Variants in COG5 observed in about 807,000 individuals in gnomAD.
COG5 encodes the protein component of oligomeric golgi complex 5.
A neutral mutation model predicts 110.4 loss-of-function variants in COG5; 86 were observed. The observed-to-expected ratio is 0.78, with a 90% confidence interval of 0.65 to 0.93. The LOEUF is 0.93. Among genes scored for constraint, COG5 ranks in the 40% least tolerant of loss-of-function variants. The probability of loss-of-function intolerance (pLI) is 0.00; values close to 1 mark genes in which losing one functional copy is unlikely to be tolerated. For missense variants in COG5, 1,077 were observed against 987.0 expected (o/e 1.09, Z -1.22); for synonymous variants, 360 against 334.6 (o/e 1.08, Z -0.83).
intron 5 of COG5, among the ~76,000 whole-genome samples, chr7:107,540,498 A>G (rs1801898573): frequency 6.6e-6 from 1 of 151,590 alleles, no homozygotes; most frequent in South Asian, 2.1e-4. Context: ...GGATTGCTTG[A>G]GCCCAGCACT....
intron 6 of COG5, among the ~76,000 whole-genome samples, chr7:107,453,191 A>G (rs1795447510): frequency 6.6e-6 from 1 of 152,230 alleles, no homozygotes; most frequent in South Asian, 2.1e-4. Flanking sequence ...CAATAGTCAC[A>G]GGTCTACAAA....
At chr7:107,407,849 G>A (rs1791971643) in intron 7 of COG5, among the ~76,000 whole-genome samples, 1 of 151,644 alleles carries the variant, frequency 6.6e-6, no homozygotes, top group Admixed American at 6.6e-5. Flanking sequence ...GGGAAACAAG[G>A]GACAGCCATA....
chr7:107,375,415 G>A (rs1380884021), intron 7 of COG5, among the ~76,000 whole-genome samples: 1 of 151,964 alleles, frequency 6.6e-6, no homozygotes, highest in Admixed American at 6.6e-5. Context: ...AGTACACTTA[G>A]AGTTTGTAGA....
At chr7:107,239,607 T>C (rs910325676) in intron 17 of COG5, among the ~76,000 whole-genome samples, 32 of 152,168 alleles carry the variant, frequency 2.1e-4, no homozygotes, top group African/African-American at 7.5e-4. Flanking sequence ...CATTTATTTG[T>C]GTTTTTGTTG....
intron 5 of COG5, among the ~76,000 whole-genome samples, chr7:107,541,511 A>T (rs1801993994): frequency 2.1e-5 from 2 of 97,164 alleles, no homozygotes; most frequent in African/African-American, 6.9e-5. Flanking sequence ...AAAAAAAAAA[A>T]AAAAAAAAAA....
intron 10 of COG5, among the ~76,000 whole-genome samples, chr7:107,347,874 C>G (rs1290715170): frequency 6.6e-6 from 1 of 152,140 alleles, no homozygotes; most frequent in Middle Eastern, 3.4e-3. Context: ...TGCCTGCAAT[C>G]CCAGGACTTT....
intron 19 of COG5, among the ~76,000 whole-genome samples, chr7:107,226,577 A>G (rs1433113755): frequency 1.3e-5 from 2 of 152,348 alleles, no homozygotes; most frequent in East Asian, 3.9e-4. Context: ...TTCTCTTTAC[A>G]TGACAACTGC....
At position 107,372,788 on chromosome 7, in the gene COG5, A is replaced by G. The variant is rs754980988; in HGVS notation, c.670-28T>C. The G allele has an allele frequency of 3.7e-6, 6 of 1,610,366 alleles. No homozygotes were observed. In the African/African-American group the frequency reaches 6.7e-5, roughly 18 times the overall value. ...TAAAAAAAGGTGGGGTGGGGTGGAA[A>G]CAGATATAAATAGGAAAACAAACAA... On this transcript the variant is annotated intron_variant, in intron 7 of 21. Coordinates refer to ENST00000297135, the MANE Select transcript of COG5 (RefSeq NM_006348.5).
chr7:107,278,783 A>C (rs889374058), intron 14 of COG5, among the ~76,000 whole-genome samples: 26 of 152,180 alleles, frequency 1.7e-4, no homozygotes, highest in Non-Finnish European at 3.5e-4. Context: ...TACAAAAATT[A>C]ACTCAAGATG....
chr7:107,214,665 T>C (rs1799395296), intron 19 of COG5, among the ~76,000 whole-genome samples: 1 of 152,190 alleles, frequency 6.6e-6, no homozygotes, highest in African/African-American at 2.4e-5. Context: ...CTCATGCCTA[T>C]AATCCCAGTA....
At chr7:107,393,516 T>C (rs1013124486) in intron 7 of COG5, among the ~76,000 whole-genome samples, 3 of 152,222 alleles carry the variant, frequency 2.0e-5, no homozygotes, top group Non-Finnish European at 4.4e-5. Flanking sequence ...ATAAGTAGCA[T>C]AATGCTAACT....
chr7:107,342,573 G>T (rs1477291565), intron 10 of COG5, among the ~76,000 whole-genome samples: 2 of 151,960 alleles, frequency 1.3e-5, no homozygotes, highest in African/African-American at 4.8e-5. Flanking sequence ...AGCTACTTGG[G>T]AAGCTGAGGC....
At chr7:107,357,761 T>C (rs1812760182) in intron 10 of COG5, among the ~76,000 whole-genome samples, 1 of 152,150 alleles carries the variant, frequency 6.6e-6, no homozygotes, top group Non-Finnish European at 1.5e-5. Flanking sequence ...CTTGAACTCC[T>C]AGGCTCAAGC....
Position 107,203,395 on chromosome 7 carries a change from A to G in COG5, c.*121T>C, listed in dbSNP as rs1798500539. ...AGAGGTAAATAAACGTCGATAGGAA[A>G]TACCGAACAATCAATTACATTCTTA... On this transcript the variant is annotated 3_prime_UTR_variant, in exon 22 of 22. Coordinates refer to ENST00000297135, the MANE Select transcript of COG5 (RefSeq NM_006348.5). 2 of 754,394 alleles carry G rather than the reference A, an allele frequency of 2.7e-6. No individual in the cohort carries two copies. The highest frequency in any genetic ancestry group is 4.8e-6 in the Non-Finnish European group (2 of 420,044). The allele number at this position is 754,394 out of a possible 1,614,324, so 46.7% of individuals were successfully genotyped here.
At position 107,301,301 on chromosome 7, in the gene COG5, G is replaced by A. The variant is rs149051865; in HGVS notation, c.1109-2955C>T. ...AGTGTCTGCTCTTCAAAAAAAATACGGCTAAGAAAATGAAAATACACGCCC... is the reference window on the plus strand; with the variant it reads ...AGTGTCTGCTCTTCAAAAAAAATACAGCTAAGAAAATGAAAATACACGCCC... On this transcript the variant is annotated intron_variant, in intron 11 of 21. Coordinates refer to ENST00000297135, the MANE Select transcript of COG5 (RefSeq NM_006348.5). Among the ~76,000 whole-genome samples, 221 of 152,032 alleles carry A rather than the reference G, an allele frequency of 1.5e-3. 1 individual carries two copies. Among genetic ancestry groups the A allele is most frequent in the Admixed American group, 9.6e-3 (147 of 15,270 alleles).
intron 6 of COG5, among the ~76,000 whole-genome samples, chr7:107,451,853 G>A (rs1423827990): frequency 1.3e-5 from 2 of 152,034 alleles, no homozygotes; most frequent in Admixed American, 1.3e-4. Flanking sequence ...TTATTGGTAA[G>A]GCTTCCAGTC....
intron 10 of COG5, among the ~76,000 whole-genome samples, chr7:107,353,390 A>C (rs1812340883): frequency 7.0e-6 from 1 of 142,618 alleles, no homozygotes; most frequent in African/African-American, 2.6e-5. Context: ...CCGCCACTGC[A>C]CTCCAGCCTG....
At chr7:107,372,809 A>G in intron 7 of COG5, 49 bp from the exon 8 acceptor site, 1 of 1,559,470 alleles carries the variant, frequency 6.4e-7, no homozygotes. Flanking sequence ...TAGGAAAACA[A>G]ACAAAATCAA....
chr7:107,500,643 T>C (rs1323656920), intron 6 of COG5, among the ~76,000 whole-genome samples: 3 of 152,174 alleles, frequency 2.0e-5, no homozygotes, highest in Non-Finnish European at 4.4e-5. Flanking sequence ...GGAAATAATA[T>C]AGATTATCAC....
Sources: gnomAD v4.1 joint callset for allele counts (sites outside exome capture counted in the v4.1 genomes callset) on GRCh38, gnomAD v4.1.1 for gene constraint, MANE v1.5 for transcripts, NCBI Gene and HGNC (gene_info 2026-07-23, HGNC 2026-07-21) for gene names.